The following NIPBL variants were observed in gnomAD, a reference collection of about 807,000 sequenced individuals.
NIPBL encodes the protein nipped-B-like protein.
Under a neutral mutation model 321.8 loss-of-function variants are expected in NIPBL, and 19 were observed. The observed-to-expected ratio is 0.06, with a 90% confidence interval of 0.04 to 0.09. The LOEUF is 0.09. NIPBL is among the 10% of genes least tolerant of loss of function. The pLI, the probability that NIPBL is intolerant of heterozygous loss-of-function variation, is 1.00. For synonymous variants in NIPBL, 1,106 were observed against 1,114.1 expected, an observed-to-expected ratio of 0.99 and a Z score of 0.14; for missense variants, 2,210 against 3,327.0, an observed-to-expected ratio of 0.66 and a Z score of 8.26.
chr5:37,014,220 TGGAGAGGGAGAG>T (rs1325351078), intron 21 of NIPBL, among the ~76,000 whole-genome samples: 6 of 149,124 alleles, frequency 4.0e-5, no homozygotes, highest in Non-Finnish European at 7.4e-5. Flanking sequence ...AGGGAGACCG[TGGAGAGGGAGAG>T]GGAGAGGGAG....
At chr5:37,052,316 T>A in intron 41 of NIPBL, 50 bp from the exon 42 acceptor site, 2 of 1,435,422 alleles carry the variant, frequency 1.4e-6, no homozygotes, top group Non-Finnish European at 2.0e-6. Flanking sequence ...ATATTTTTAA[T>A]TTGTGTCTTT....
chr5:36,975,761 GA>G lies in NIPBL; in HGVS notation c.869-13del. 6.2e-7 allele frequency: 1 copy of G among 1,612,366 alleles called. No homozygotes were observed. The highest frequency in any genetic ancestry group is 8.5e-7 in the Non-Finnish European group (1 of 1,179,190). ...AACCACCACAACTGTTACTTCTATC[GA>G]ATTATTTTTCTAGGCTCAAGACCAC... On this transcript the variant is annotated splice_polypyrimidine_tract_variant and intron_variant, in intron 8 of 46. Coordinates refer to ENST00000282516, the MANE Select transcript of NIPBL (RefSeq NM_133433.4).
At chr5:36,895,610 C>T (rs542517999) in intron 1 of NIPBL, among the ~76,000 whole-genome samples, 2 of 152,252 alleles carry the variant, frequency 1.3e-5, no homozygotes, top group South Asian at 4.1e-4. Flanking sequence ...GTCTTTACAT[C>T]CTCACCAACA....
intron 24 of NIPBL, among the ~76,000 whole-genome samples, chr5:37,017,387 G>C (rs62354970): frequency 0.025 from 3,760 of 151,992 alleles, 69 homozygotes; most frequent in Middle Eastern, 0.055. Context: ...CTTTCTTTTT[G>C]TGAAGTACTC....
chr5:36,882,844 C>G (rs977481877), intron 1 of NIPBL, among the ~76,000 whole-genome samples: 1 of 151,146 alleles, frequency 6.6e-6, no homozygotes, highest in Admixed American at 6.6e-5. Flanking sequence ...ATGTTTTGAT[C>G]AGTTATAGCT....
rs1203459917 is a variant in NIPBL, at chr5:36,968,824, C to T, written c.611-2052C>T. Among the ~76,000 whole-genome samples the T allele has an allele frequency of 2.0e-5, 3 of 151,984 alleles. No individual in the cohort carries two copies. In the East Asian group the frequency reaches 5.8e-4, roughly 29 times the overall value. ...ACATTTATTTAGTGGGTGTCCCAGC[C>T]AATACAGGAAGATAAGAAGCGTTAA... On this transcript the variant is annotated intron_variant, in intron 6 of 46. Coordinates refer to ENST00000282516, the MANE Select transcript of NIPBL (RefSeq NM_133433.4).
chr5:37,062,087 C>T (rs959844939), intron 45 of NIPBL, among the ~76,000 whole-genome samples: 1 of 152,154 alleles, frequency 6.6e-6, no homozygotes, highest in Non-Finnish European at 1.5e-5. Flanking sequence ...GGTGATCCGC[C>T]GGCCTCCCAA....
chr5:36,899,992 G>A (rs906489728), intron 1 of NIPBL, among the ~76,000 whole-genome samples: 10 of 151,980 alleles, frequency 6.6e-5, no homozygotes, highest in African/African-American at 1.5e-4. Flanking sequence ...AAAAGTCTTC[G>A]CTAAAGCCTT....
intron 1 of NIPBL, among the ~76,000 whole-genome samples, chr5:36,884,938 C>T (rs544743269): frequency 3.3e-5 from 5 of 152,130 alleles, no homozygotes; most frequent in Non-Finnish European, 5.9e-5. Context: ...TAATGAGGAT[C>T]GTGAAGTACA....
At chr5:37,000,666 A>G (rs1746685381) in intron 12 of NIPBL, 96 bp downstream of exon 12, 1 of 1,378,940 alleles carries the variant, frequency 7.3e-7, no homozygotes, top group African/African-American at 1.5e-5. Flanking sequence ...TGAGTTAATA[A>G]CTAATTTTCA....
In NIPBL at chr5:37,038,606, T is replaced by G. The variant is rs1360819170; in HGVS notation, c.5976T>G (p.Ser1992=). 1.2e-6 allele frequency: 2 copies of G among 1,613,622 alleles called. No homozygotes were observed. Among genetic ancestry groups the G allele is most frequent in the Non-Finnish European group, 1.7e-6 (2 of 1,179,754 alleles). Residue 1992 remains serine, a synonymous_variant, in exon 34 of 47, where the codon TCT becomes TCG. Coordinates refer to ENST00000282516, the MANE Select transcript of NIPBL (RefSeq NM_133433.4). ...ILKYEESLAD[S]DNKGVNSGRL... ...TTTCTCTGTTTGTTTTTCCAGACTC[T>G]GACAATAAAGGTGTGAATTCTGGAA...
At chr5:36,970,372 CT>C (rs1742712400) in intron 6 of NIPBL, among the ~76,000 whole-genome samples, 1 of 149,150 alleles carries the variant, frequency 6.7e-6, no homozygotes, top group Admixed American at 6.7e-5. Context: ...GGTAACAGAG[CT>C]GTCTGTAAAA....
chr5:37,013,163 C>T (rs1418159959), intron 21 of NIPBL, among the ~76,000 whole-genome samples: 38 of 140,558 alleles, frequency 2.7e-4, no homozygotes, highest in African/African-American at 8.7e-4. Context: ...GCTGGCCAGG[C>T]GGGGGGCTGA....
chr5:37,016,350 G>C (rs1384642076), intron 23 of NIPBL, among the ~76,000 whole-genome samples, 180 bp downstream of exon 23: 1 of 151,922 alleles, frequency 6.6e-6, no homozygotes, highest in African/African-American at 2.4e-5. Flanking sequence ...ATTTTCAAAT[G>C]TTGTGAAGTT....
chr5:36,957,349 A>ATT (rs1741081266), intron 3 of NIPBL, among the ~76,000 whole-genome samples: 1 of 152,218 alleles, frequency 6.6e-6, no homozygotes, highest in Non-Finnish European at 1.5e-5. Flanking sequence ...TGTCTTAATC[A>ATT]GTGTGGCAAC....
chr5:36,970,050 T>C (rs1444569871), intron 6 of NIPBL, among the ~76,000 whole-genome samples: 1 of 152,130 alleles, frequency 6.6e-6, no homozygotes, highest in Non-Finnish European at 1.5e-5. Flanking sequence ...AACAAATAAA[T>C]AGTGTACATC....
chr5:36,946,596 A>G (rs1309329538), intron 1 of NIPBL, among the ~76,000 whole-genome samples: 2 of 111,022 alleles, frequency 1.8e-5, no homozygotes, highest in African/African-American at 3.8e-5. Context: ...ATATGTATAT[A>G]TATACACACA....
intron 42 of NIPBL, among the ~76,000 whole-genome samples, chr5:37,053,332 T>G (rs1579586517): frequency 8.4e-6 from 1 of 118,986 alleles, no homozygotes; most frequent in African/African-American, 3.0e-5. Context: ...AGTAAAAATA[T>G]GATAGGATAA....
chr5:36,903,249 T>C (rs927574562), intron 1 of NIPBL, among the ~76,000 whole-genome samples: 6 of 152,222 alleles, frequency 3.9e-5, no homozygotes, highest in Non-Finnish European at 8.8e-5. Context: ...CCTATTCAGA[T>C]GCCTTTTATT....
Sources: gnomAD v4.1 joint callset for allele counts (sites outside exome capture counted in the v4.1 genomes callset) on GRCh38, gnomAD v4.1.1 for gene constraint, MANE v1.5 for transcripts, NCBI Gene and HGNC (gene_info 2026-07-23, HGNC 2026-07-21) for gene names.